The following PTPRD variants were observed in gnomAD, a reference collection of about 807,000 sequenced individuals.
PTPRD encodes the protein receptor-type tyrosine-protein phosphatase delta.
PTPRD carries 34 observed loss-of-function variants against 214.5 expected under a neutral mutation model. That is an observed-to-expected ratio of 0.16 (90% CI 0.12 to 0.21). The LOEUF is 0.21. Ranked by LOEUF, PTPRD falls within the 10% of genes least tolerant of loss-of-function variation. The probability of loss-of-function intolerance (pLI) is 1.00; values close to 1 mark genes in which losing one functional copy is unlikely to be tolerated. For synonymous variants in PTPRD, 1,128 were observed against 845.7 expected (o/e 1.33, Z -5.79); for missense variants, 2,545 against 2,398.7 (o/e 1.06, Z -1.27).
At chr9:9,514,920 AT>A (rs1386388985) in intron 8 of PTPRD, among the ~76,000 whole-genome samples, 1 of 152,082 alleles carries the variant, frequency 6.6e-6, no homozygotes, top group Non-Finnish European at 1.5e-5. Context: ...ACAAATACTT[AT>A]TTGTAAAGTG....
At chr9:10,399,783 A>G (rs1323098460) in intron 2 of PTPRD, among the ~76,000 whole-genome samples, 1 of 151,906 alleles carries the variant, frequency 6.6e-6, no homozygotes, top group Non-Finnish European at 1.5e-5. Context: ...AGAGCATGAT[A>G]TATTAAAGAA....
intron 2 of PTPRD, among the ~76,000 whole-genome samples, chr9:10,352,598 G>C (rs2097201798): frequency 6.6e-6 from 1 of 151,992 alleles, no homozygotes; most frequent in Non-Finnish European, 1.5e-5. Flanking sequence ...ATATGCATAA[G>C]CATGTTTATT....
intron 8 of PTPRD, among the ~76,000 whole-genome samples, chr9:9,523,805 C>T (rs2097053295): frequency 1.3e-5 from 2 of 152,136 alleles, no homozygotes; most frequent in African/African-American, 4.8e-5. Context: ...CAGCTTATTC[C>T]TCAAATCTTC....
intron 9 of PTPRD, among the ~76,000 whole-genome samples, chr9:9,316,247 C>G (rs1040612217): frequency 6.6e-6 from 1 of 151,900 alleles, no homozygotes; most frequent in Non-Finnish European, 1.5e-5. Flanking sequence ...TCTCTCTCTC[C>G]CCTACCGTCT....
At chr9:10,196,238 C>A (rs919347219) in intron 3 of PTPRD, among the ~76,000 whole-genome samples, 2 of 152,122 alleles carry the variant, frequency 1.3e-5, no homozygotes, top group Non-Finnish European at 2.9e-5. Context: ...CACCATTTCT[C>A]TCTGAGTTTT....
At chr9:9,770,813 G>A (rs2098746078) in intron 5 of PTPRD, among the ~76,000 whole-genome samples, 1 of 152,128 alleles carries the variant, frequency 6.6e-6, no homozygotes, top group Non-Finnish European at 1.5e-5. Context: ...AGCCAAAGAA[G>A]TATATTGATG....
intron 7 of PTPRD, among the ~76,000 whole-genome samples, chr9:9,730,745 T>C (rs902261058): frequency 2.6e-5 from 4 of 152,128 alleles, no homozygotes; most frequent in Non-Finnish European, 5.9e-5. Flanking sequence ...TATGAGACTG[T>C]AGATGAACTA....
At chr9:10,037,422 G>A (rs775240917) in intron 3 of PTPRD, among the ~76,000 whole-genome samples, 4 of 151,820 alleles carry the variant, frequency 2.6e-5, no homozygotes, top group Non-Finnish European at 5.9e-5. Flanking sequence ...CTCCTGTTGC[G>A]GCCATATGAA....
At chr9:8,364,612 A>G (rs180873422) in intron 39 of PTPRD, among the ~76,000 whole-genome samples, 2 of 151,920 alleles carry the variant, frequency 1.3e-5, no homozygotes, top group Non-Finnish European at 2.9e-5. Flanking sequence ...GCCTGCCAAG[A>G]CAGCATGTCA....
intron 6 of PTPRD, among the ~76,000 whole-genome samples, chr9:9,742,071 A>G (rs1482984019): frequency 4.6e-5 from 7 of 152,150 alleles, no homozygotes; most frequent in Non-Finnish European, 1.0e-4. Flanking sequence ...GACTCCCACC[A>G]ACAGTGTTTT....
chr9:8,434,998 C>T (rs2095283422), intron 35 of PTPRD, among the ~76,000 whole-genome samples: 1 of 152,148 alleles, frequency 6.6e-6, no homozygotes, highest in East Asian at 1.9e-4. Context: ...AAAATGTTCT[C>T]CTGAATGCTT....
chr9:10,576,323 G>C (rs2069314920), intron 2 of PTPRD, among the ~76,000 whole-genome samples: 1 of 152,066 alleles, frequency 6.6e-6, no homozygotes, highest in African/African-American at 2.4e-5. Context: ...GTGACTTTGA[G>C]GGAAACTTTC....
chr9:10,477,062 A>G (rs1007300894), intron 2 of PTPRD, among the ~76,000 whole-genome samples: 2 of 152,206 alleles, frequency 1.3e-5, no homozygotes, highest in African/African-American at 2.4e-5. Context: ...CATTCAGGAC[A>G]TAGGCATGGG....
chr9:10,426,901 A>C (rs1374344556), intron 2 of PTPRD, among the ~76,000 whole-genome samples: 3 of 152,098 alleles, frequency 2.0e-5, no homozygotes, highest in Non-Finnish European at 2.9e-5. Context: ...CCAATGTTAT[A>C]AATTTCAAAG....
intron 10 of PTPRD, among the ~76,000 whole-genome samples, chr9:9,070,372 A>G (rs1329740147): frequency 2.0e-5 from 3 of 152,182 alleles, no homozygotes; most frequent in African/African-American, 7.2e-5. Context: ...CAGTTATAAT[A>G]AATTAATATA....
chr9:10,239,846 C>T (rs985055401), intron 3 of PTPRD, among the ~76,000 whole-genome samples: 1 of 151,846 alleles, frequency 6.6e-6, no homozygotes, highest in Non-Finnish European at 1.5e-5. Context: ...CCTCAGTCTC[C>T]CCTGAGGTAA....
At chr9:8,512,715 A>G (rs2097706064) in intron 21 of PTPRD, among the ~76,000 whole-genome samples, 1 of 151,986 alleles carries the variant, frequency 6.6e-6, no homozygotes, top group South Asian at 2.1e-4. Context: ...ATATCCATAT[A>G]AGTCAGATGA....
chr9:8,392,966 G>A (rs2090073063), intron 36 of PTPRD, among the ~76,000 whole-genome samples: 1 of 152,154 alleles, frequency 6.6e-6, no homozygotes, highest in Admixed American at 6.6e-5. Flanking sequence ...TCAAGTAGAT[G>A]AGACTCTGGT....
At chr9:8,722,375 C>T (rs2098510047) in intron 12 of PTPRD, among the ~76,000 whole-genome samples, 1 of 152,088 alleles carries the variant, frequency 6.6e-6, no homozygotes, top group African/African-American at 2.4e-5. Context: ...TGGTTACTAA[C>T]ACCATGTACT....
Sources: allele counts gnomAD v4.1 joint callset (sites outside exome capture counted in the v4.1 genomes callset), GRCh38; gene constraint gnomAD v4.1.1; transcripts MANE v1.5; gene names NCBI Gene and HGNC (gene_info 2026-07-23, HGNC 2026-07-21).